UNC80: variants seen among roughly 807,000 people sequenced by gnomAD.
The protein encoded by UNC80 is unc-80 subunit of NALCN channel complex.
UNC80 carries 164 observed loss-of-function variants against 384.6 expected under a neutral mutation model. That is an observed-to-expected ratio of 0.43 (90% confidence interval 0.38 to 0.49). The LOEUF is 0.49. Ranked by LOEUF, UNC80 falls within the 20% of genes least tolerant of loss-of-function variation. The probability of loss-of-function intolerance (pLI) is 0.00; values close to 1 mark genes in which losing one functional copy is unlikely to be tolerated. For missense variants in UNC80, 3,330 were observed against 4,143.0 expected (o/e 0.80, Z 5.39); for synonymous variants, 1,486 against 1,527.8 (o/e 0.97, Z 0.64).
intron 43 of UNC80, among the ~76,000 whole-genome samples, chr2:209,940,942 A>G (rs2091588584): frequency 6.6e-6 from 1 of 152,150 alleles, no homozygotes; most frequent in African/African-American, 2.4e-5. Flanking sequence ...GAAATAATTT[A>G]TTTTTCTCCA....
At chr2:209,860,548 C>T (rs976394042) in intron 22 of UNC80, among the ~76,000 whole-genome samples, 14 of 152,090 alleles carry the variant, frequency 9.2e-5, no homozygotes, top group African/African-American at 3.1e-4. Context: ...TTTGATTCCA[C>T]ATAAAATTTA....
intron 41 of UNC80, 73 bp downstream of exon 41, chr2:209,937,006 A>T: frequency 9.7e-7 from 1 of 1,031,912 alleles, no homozygotes; most frequent in African/African-American, 1.6e-5. Flanking sequence ...GGTGGCTCAC[A>T]GTCAGGGAGG....
intron 7 of UNC80, chr2:209,809,365 C>G: frequency 1.1e-6 from 1 of 936,736 alleles, no homozygotes; most frequent in Non-Finnish European, 1.8e-6. Context: ...CAGACCCTGG[C>G]TGCTGCGGGG....
intron 13 of UNC80, among the ~76,000 whole-genome samples, chr2:209,821,977 T>C (rs2153827935): frequency 6.6e-6 from 1 of 152,338 alleles, no homozygotes; most frequent in Non-Finnish European, 1.5e-5. Context: ...TATTTTCACA[T>C]CTGAGCAAGC....
rs775679279 is a variant in UNC80, at chr2:209,872,992, A to G, written c.3840+22A>G. 4.5e-6 allele frequency: 7 copies of G among 1,548,716 alleles called. No homozygotes were observed. The South Asian group carries it at 6.0e-5, about 13-fold the overall frequency. On this transcript the variant is annotated intron_variant, in intron 23 of 64. Coordinates refer to ENST00000673920, the MANE Select transcript of UNC80 (RefSeq NM_001371986.1). The surrounding 1 kb of genome is among the most constrained non-coding windows in gnomAD (Gnocchi z 4.1). The stretch of plus-strand genomic sequence containing the variant: ...AGACGTGAGCTTTCGGTTTTCTTCT[A>G]TAACAATTAGGTTGCTTAAGTGAAG...
intron 7 of UNC80, among the ~76,000 whole-genome samples, chr2:209,811,568 G>A (rs936746102): frequency 5.3e-5 from 8 of 152,102 alleles, no homozygotes; most frequent in African/African-American, 1.9e-4. Flanking sequence ...GTCACAAAAC[G>A]GATGTCCAAA....
At chr2:209,978,467 A>T in intron 58 of UNC80, 62 bp from the exon 59 acceptor site, 9 of 1,377,952 alleles carry the variant, frequency 6.5e-6, no homozygotes, top group Non-Finnish European at 7.8e-6. Flanking sequence ...GTCAGGGAGG[A>T]CTTTGAAGTG....
At chr2:209,792,411 G>C (rs1329503318) in intron 6 of UNC80, among the ~76,000 whole-genome samples, 3 of 152,192 alleles carry the variant, frequency 2.0e-5, no homozygotes, top group South Asian at 2.1e-4. Flanking sequence ...GCAGTGGCGC[G>C]ATCTTGGCTC....
chr2:209,893,002 T>C lies in UNC80; in HGVS notation c.4277-1161T>C, dbSNP rs569825118. Among the ~76,000 whole-genome samples the C allele has an allele frequency of 4.6e-5, 7 of 152,292 alleles. No individual in the cohort carries two copies. In the South Asian group the frequency reaches 1.5e-3, roughly 32 times the overall value. ...AATCTTTCTCCATCACAACAGTAAA[T>C]CAGAACTTTCACATTATTCAGCAGG... On this transcript the variant is annotated intron_variant, in intron 26 of 64. Transcript: ENST00000673920.
At chr2:209,865,751 A>C (rs568409874) in intron 22 of UNC80, among the ~76,000 whole-genome samples, 39 of 152,314 alleles carry the variant, frequency 2.6e-4, no homozygotes, top group African/African-American at 8.9e-4. Flanking sequence ...TTCTTTGTTC[A>C]CCATTTTCCT....
chr2:209,859,848 T>C (rs2124859155), intron 22 of UNC80, among the ~76,000 whole-genome samples: 1 of 152,336 alleles, frequency 6.6e-6, no homozygotes, highest in Middle Eastern at 3.4e-3. Flanking sequence ...TGTCTGTTCA[T>C]ATCCTTTTCT....
chr2:209,998,780 CGCT>C lies in UNC80; in HGVS notation c.*3189_*3191del, dbSNP rs2093518586. 6.6e-6 allele frequency: 1 copy of C among 152,190 alleles called. No homozygotes were observed. Among genetic ancestry groups the C allele is most frequent in the Non-Finnish European group, 1.5e-5 (1 of 68,044 alleles). 9.4% of individuals were successfully genotyped at this position (152,190 alleles called of 1,614,324 possible). On this transcript the variant is annotated 3_prime_UTR_variant, in exon 65 of 65. Transcript: ENST00000673920. ...TTAATAGAACACAGTCTCCAGAATT[CGCT>C]GCTATCACACCAAGTCATGCTGTTG...
At chr2:209,983,551 G>C (rs2093210394) in intron 60 of UNC80, among the ~76,000 whole-genome samples, 1 of 146,600 alleles carries the variant, frequency 6.8e-6, no homozygotes, top group South Asian at 2.3e-4. Flanking sequence ...AAGATATAAA[G>C]CCACACAAGC....
intron 4 of UNC80, 49 bp downstream of exon 4, chr2:209,777,608 G>T: frequency 6.5e-7 from 1 of 1,531,122 alleles, no homozygotes. Flanking sequence ...GATGTGGTGA[G>T]GGTAGACTTC....
chr2:209,844,446 TTTTCTTTTCTTTCTTTCTTTC>T lies in UNC80; in HGVS notation c.3454+2008_3454+2028del, dbSNP rs1559185299. Among the ~76,000 whole-genome samples the T allele has an allele frequency of 3.6e-4, 47 of 130,892 alleles. 3 individuals are homozygous for T. The highest frequency in any genetic ancestry group is 1.5e-3 in the African/African-American group (46 of 30,028). The allele number at this position is 130,892 out of a possible 152,430, so 85.9% of individuals were successfully genotyped here. On this transcript the variant is annotated intron_variant, in intron 21 of 64. Coordinates refer to ENST00000673920, the MANE Select transcript of UNC80 (RefSeq NM_001371986.1). ...TCTTTCTCTTTCTCTTTTCTTGCTCTTTTCTTTTCTTTCTTTCTTTCTTTCTTTCTTTCCTTCCTTCCTTCC... is the reference window on the plus strand; with the variant it reads ...TCTTTCTCTTTCTCTTTTCTTGCTCTTTTCTTTCTTTCCTTCCTTCCTTCC...
chr2:209,893,280 A>C (rs1468793842), intron 26 of UNC80, among the ~76,000 whole-genome samples: 1 of 152,214 alleles, frequency 6.6e-6, no homozygotes, highest in African/African-American at 2.4e-5. Flanking sequence ...TAAACCCTGA[A>C]AACTTACTTT....
rs2082387353 is a variant in UNC80 at position 209,849,691 on chromosome 2, A to G, written c.3627+68A>G. 6.9e-6 allele frequency: 10 copies of G among 1,440,058 alleles called. No homozygotes were observed. The Admixed American group carries it at 8.9e-5, about 13-fold the overall frequency. 89.2% of individuals were successfully genotyped at this position (1,440,058 alleles called of 1,614,324 possible). ...AGTAGCACTATTAACAGAGGTAAGC[A>G]TGATTCCCCAATTGTAATCCTCCTG... On this transcript the variant is annotated intron_variant, in intron 22 of 64. Transcript: ENST00000673920.
rs138910319 is a variant in UNC80 at position 209,952,799 on chromosome 2, C to T, written c.7287-1301C>T. Among the ~76,000 whole-genome samples, 740 of 152,238 alleles carry T rather than the reference C, an allele frequency of 4.9e-3. 4 individuals carry two copies. The highest frequency in any genetic ancestry group is 8.0e-3 in the Non-Finnish European group (546 of 68,010). On this transcript the variant is annotated intron_variant, in intron 47 of 64. Coordinates refer to ENST00000673920, the MANE Select transcript of UNC80 (RefSeq NM_001371986.1). ...TGCAGCAAGGTACTTTTTATTGTTA[C>T]AGAAAGCAGAACCGACTTCTTGCCT...
Position 209,786,125 on chromosome 2 carries a change from A to G in UNC80, c.660A>G (p.Glu220=), listed in dbSNP as rs766811630. 6.2e-7 allele frequency: 1 copy of G among 1,614,104 alleles called. No homozygotes were observed. ...SGLVIWQPMW[E]HRQPGVSGFT... ...TTGTTATATGGCAGCCCATGTGGGA[A>G]CACAGACAGCCCGGAGTCTCTGGCT... The change falls in exon 5 of 65, where the codon GAA becomes GAG. Residue 220 remains glutamate (E), a synonymous_variant. Transcript: ENST00000673920.
Sources: gnomAD v4.1 joint callset for allele counts (sites outside exome capture counted in the v4.1 genomes callset) on GRCh38, gnomAD v4.1.1 for gene constraint, Gnocchi (gnomAD v3.1) non-coding constraint, MANE v1.5 for transcripts, NCBI Gene and HGNC (gene_info 2026-07-23, HGNC 2026-07-21) for gene names.